FCHSD2: variants seen among roughly 807,000 people sequenced by gnomAD.
The protein encoded by FCHSD2 is FCH and double SH3 domains 2, also known as F-BAR and double SH3 domains protein 2.
In FCHSD2, 38 loss-of-function variants were observed where a neutral mutation model predicts 108.1. The ratio of observed to expected loss-of-function variants is 0.35; its 90% CI spans 0.27 to 0.46. The LOEUF (loss-of-function observed/expected upper bound fraction) is 0.46. Among genes scored for constraint, FCHSD2 ranks in the 20% least tolerant of loss-of-function variants. FCHSD2 has a pLI of 1.00. For missense variants in FCHSD2, 751 were observed against 897.8 expected, an observed-to-expected ratio of 0.84 and a Z score of 2.09; for synonymous variants, 279 against 314.7, an observed-to-expected ratio of 0.89 and a Z score of 1.20.
chr11:72,868,141 A>T, intron 12 of FCHSD2, 115 bp from the exon 13 acceptor site: 1 of 897,672 alleles, frequency 1.1e-6, no homozygotes, highest in Non-Finnish European at 1.7e-6. Flanking sequence ...AATGTGGTAC[A>T]TATACACCAT....
chr11:73,027,031 T>C (rs1212289573), intron 3 of FCHSD2, among the ~76,000 whole-genome samples: 4 of 152,044 alleles, frequency 2.6e-5, no homozygotes, highest in Non-Finnish European at 5.9e-5. Context: ...AATGGAGTAA[T>C]ACAGAAAATT....
At chr11:73,082,405 T>C (rs1192659750) in intron 3 of FCHSD2, among the ~76,000 whole-genome samples, 2 of 148,704 alleles carry the variant, frequency 1.3e-5, no homozygotes, top group Admixed American at 6.7e-5. Flanking sequence ...ACTGATGCTA[T>C]TCATTATGTA....
Position 72,903,470 on chromosome 11 carries a change from C to T in FCHSD2, c.829-832G>A, listed in dbSNP as rs564398752. On this transcript the variant is annotated intron_variant, in intron 9 of 19. Transcript: ENST00000409418. ...TCCTGACCTCGTGATCCACCGGCCT[C>T]GGCCTCCTAAAGTGCTGGGATTACA... is the stretch of plus-strand genomic sequence containing the variant. Among the ~76,000 whole-genome samples the T allele has an allele frequency of 3.3e-5, 5 of 152,240 alleles. No individual in the cohort carries two copies. In the South Asian group the frequency reaches 1.0e-3, roughly 32 times the overall value.
At chr11:72,981,200 C>T (rs1165290926) in intron 8 of FCHSD2, among the ~76,000 whole-genome samples, 7 of 152,214 alleles carry the variant, frequency 4.6e-5, no homozygotes, top group African/African-American at 1.7e-4. Context: ...GCAGGAGGGA[C>T]CAACCCCTGC....
rs180997092 is a variant in FCHSD2 at position 73,108,762 on chromosome 11, G to A, written c.120-25022C>T. ...TTTTTTTTGTATTTTTAGTAGAGAC[G>A]GGGTTTCACCTTGTTAGCCAGGATG... On this transcript the variant is annotated intron_variant, in intron 2 of 19. Transcript: ENST00000409418. Among the ~76,000 whole-genome samples, 1,206 of 151,836 alleles carry A rather than the reference G, an allele frequency of 7.9e-3. 20 individuals are homozygous for A. The highest frequency in any genetic ancestry group is 0.027 in the African/African-American group (1,129 of 41,370).
At chr11:72,889,701 A>G (rs1855274308) in intron 11 of FCHSD2, 128 bp downstream of exon 11, 2 of 616,444 alleles carry the variant, frequency 3.2e-6, no homozygotes, top group Non-Finnish European at 5.8e-6. Context: ...TGACAGAGCA[A>G]GCCTCTTGTC....
chr11:73,004,712 T>C (rs1316784638), intron 4 of FCHSD2, among the ~76,000 whole-genome samples: 1 of 152,206 alleles, frequency 6.6e-6, no homozygotes, highest in Non-Finnish European at 1.5e-5. Flanking sequence ...TATGGCAGAA[T>C]GTGGCTGGAG....
In FCHSD2 at chr11:72,841,107, G is replaced by A. The variant is rs1860915663; in HGVS notation, c.2057-148C>T. On this transcript the variant is annotated intron_variant, in intron 18 of 19. Transcript: ENST00000409418. ...TACTTGAGGCCAGAAGTTCAAGGCT[G>A]CAGTGAGCTATGATCCCACCACTGC... 24 of 665,898 alleles carry A rather than the reference G, an allele frequency of 3.6e-5. 1 individual carries two copies. In the South Asian group the frequency reaches 4.0e-4, roughly 11 times the overall value. The allele number at this position is 665,898 out of a possible 1,614,324, so 41.2% of individuals were successfully genotyped here.
intron 13 of FCHSD2, among the ~76,000 whole-genome samples, chr11:72,860,287 T>C (rs1055134291): frequency 6.6e-6 from 1 of 152,204 alleles, no homozygotes. Flanking sequence ...CCTGACTTAA[T>C]TGACATTTAT....
chr11:73,069,749 CT>C (rs1386337694), intron 3 of FCHSD2, among the ~76,000 whole-genome samples: 2 of 152,074 alleles, frequency 1.3e-5, no homozygotes, highest in African/African-American at 4.8e-5. Context: ...ACAGAAATGA[CT>C]AAATTCTTTC....
intron 8 of FCHSD2, among the ~76,000 whole-genome samples, chr11:72,944,929 T>C (rs1170428602): frequency 6.6e-6 from 1 of 152,212 alleles, no homozygotes; most frequent in Non-Finnish European, 1.5e-5. Context: ...GAACATTCCA[T>C]GCTCACGGGT....
rs1855856106 is a variant in FCHSD2 at position 72,915,582 on chromosome 11, G to A, written c.828+6246C>T. ...TCATGCCTGTAACCCCAGCACTTTG[G>A]CCAAGGTGGGTGGATCACCTGAGGT... On this transcript the variant is annotated intron_variant, in intron 9 of 19. Coordinates refer to ENST00000409418, the MANE Select transcript of FCHSD2 (RefSeq NM_014824.3). Among the ~76,000 whole-genome samples the A allele has an allele frequency of 2.0e-5, 3 of 152,166 alleles. No individual in the cohort carries two copies. The South Asian group carries it at 6.2e-4, about 31-fold the overall frequency.
At chr11:72,893,986 CAG>C (rs1262812236) in intron 10 of FCHSD2, among the ~76,000 whole-genome samples, 1 of 152,126 alleles carries the variant, frequency 6.6e-6, no homozygotes, top group Non-Finnish European at 1.5e-5. Context: ...GATATCTGAG[CAG>C]AGTGAGCAGC....
At chr11:73,088,458 C>T (rs967798429) in intron 2 of FCHSD2, among the ~76,000 whole-genome samples, 62 of 151,318 alleles carry the variant, frequency 4.1e-4, no homozygotes, top group African/African-American at 1.4e-3. Flanking sequence ...TGTATACATA[C>T]GTGTGTGTGT....
At chr11:72,985,657 A>G (rs1857296949) in intron 6 of FCHSD2, among the ~76,000 whole-genome samples, 1 of 147,374 alleles carries the variant, frequency 6.8e-6, no homozygotes, top group Non-Finnish European at 1.5e-5. Context: ...CTCTGCTCTA[A>G]GGGGGTATTC....
intron 2 of FCHSD2, among the ~76,000 whole-genome samples, chr11:73,134,642 C>G (rs2135575542): frequency 6.6e-6 from 1 of 152,344 alleles, no homozygotes; most frequent in Non-Finnish European, 1.5e-5. Context: ...GAGCCAGTTT[C>G]AATTCTTCAG....
chr11:72,842,395 A>G (rs888162872), intron 17 of FCHSD2, among the ~76,000 whole-genome samples: 3 of 152,236 alleles, frequency 2.0e-5, no homozygotes, highest in African/African-American at 7.2e-5. Flanking sequence ...CAATTCAAGG[A>G]AGAGAGAGAA....
At chr11:72,924,551 G>A (rs1856038890) in intron 8 of FCHSD2, among the ~76,000 whole-genome samples, 2 of 151,810 alleles carry the variant, frequency 1.3e-5, no homozygotes, top group South Asian at 4.2e-4. Flanking sequence ...CAAAGTGCTG[G>A]GATTACAGAC....
rs915301137 is a variant in FCHSD2 at position 73,035,866 on chromosome 11, G to A, written c.166-19981C>T. Reference sequence around the variant, plus strand: ...CTCCCGAGTAGCTGAGACTACAGGCGTGCACCACCACACCCAGCTAATTTT... The same window carrying A: ...CTCCCGAGTAGCTGAGACTACAGGCATGCACCACCACACCCAGCTAATTTT... On this transcript the variant is annotated intron_variant, in intron 3 of 19. Coordinates refer to ENST00000409418, the MANE Select transcript of FCHSD2 (RefSeq NM_014824.3). Among the ~76,000 whole-genome samples the A allele has an allele frequency of 4.6e-5, 7 of 151,596 alleles. No homozygotes were observed. The East Asian group carries it at 7.8e-4, about 17-fold the overall frequency.
Sources: allele counts gnomAD v4.1 joint callset (sites outside exome capture counted in the v4.1 genomes callset), GRCh38; gene constraint gnomAD v4.1.1; transcripts MANE v1.5; gene names NCBI Gene and HGNC (gene_info 2026-07-23, HGNC 2026-07-21).